Variants in ZNF347 observed in about 807,000 individuals in gnomAD.
The protein encoded by ZNF347 is CTD-2620I22.7.
A neutral mutation model predicts 12.9 loss-of-function variants in ZNF347; 19 were observed. The ratio of observed to expected loss-of-function variants is 1.47; its 90% confidence interval spans 1.03 to 2.16. The LOEUF (loss-of-function observed/expected upper bound fraction) is 2.16, where lower values mean the gene tolerates loss of function less well. Among genes scored for constraint, ZNF347 ranks in the 30% most tolerant of loss-of-function variants. The probability of loss-of-function intolerance (pLI) is 0.00; values close to 1 mark genes in which losing one functional copy is unlikely to be tolerated. For synonymous variants in ZNF347, 328 were observed against 340.6 expected (o/e 0.96, Z 0.41); for missense variants, 1,005 against 990.6 (o/e 1.01, Z -0.19).
chr19:53,141,727 A>G lies in ZNF347; in HGVS notation c.1101T>C (p.His367=), dbSNP rs1451063336. 2 of 1,613,664 alleles carry G rather than the reference A, an allele frequency of 1.2e-6. No individual in the cohort carries two copies. The highest frequency in any genetic ancestry group is 1.7e-5 in the Admixed American group (1 of 59,972). The change falls in exon 5 of 5, where the codon CAT becomes CAC. Residue 367 remains histidine (H), a synonymous_variant. Transcript: ENST00000334197. ...NSHLVRHRGI[H]TGEKPYKCNE... is the part of the protein sequence containing the mutation. ...TACACTTGTAAGGTTTCTCTCCAGT[A>G]TGAATTCCTCGATGTCTTACAAGGT...
At chr19:53,150,016 T>C (rs2090487747) in intron 2 of ZNF347, among the ~76,000 whole-genome samples, 1 of 152,164 alleles carries the variant, frequency 6.6e-6, no homozygotes, top group South Asian at 2.1e-4. Flanking sequence ...ATAAATAAAG[T>C]GTTTCCCTGA....
rs953833430 is a variant in ZNF347, at chr19:53,140,452, T to A, written c.2376A>T (p.Pro792=). 3 of 1,613,998 alleles carry A rather than the reference T, an allele frequency of 1.9e-6. No homozygotes were observed. The highest frequency in any genetic ancestry group is 2.5e-6 in the Non-Finnish European group (3 of 1,179,950). Residue 792 remains proline (P), a synonymous_variant, in exon 5 of 5, where the codon CCA becomes CCT. Transcript: ENST00000334197. ...RHQRIHTGEK[P]YECGKPFSIC... ...TACTAAAGGGTTTCCCACACTCATATGGTTTCTCTCCGGTATGAATTCTCT... is the reference window on the plus strand; with the variant it reads ...TACTAAAGGGTTTCCCACACTCATAAGGTTTCTCTCCGGTATGAATTCTCT...
At chr19:53,145,688 T>C (rs998502298) in intron 4 of ZNF347, among the ~76,000 whole-genome samples, 1 of 151,736 alleles carries the variant, frequency 6.6e-6, no homozygotes, top group Non-Finnish European at 1.5e-5. Context: ...CCACCATGCC[T>C]GGCTAAAAAT....
rs146644074 is a variant in ZNF347 at position 53,141,525 on chromosome 19, C to T, written c.1303G>A (p.Gly435Ser). The change falls in exon 5 of 5, where the codon GGC (glycine) becomes AGC (serine). Residue 435 changes from glycine (G) to serine (S), a missense_variant. Gly to Ser is a moderately conservative substitution (Grantham distance 56). Coordinates refer to ENST00000334197, the MANE Select transcript of ZNF347 (RefSeq NM_032584.3). The stretch of plus-strand genomic sequence containing the variant: ...CTTGAACGAACACCAAAGGCTTTGC[C>T]GCACTCATTACACTTGTAAGGTTTC... ...GEKPYKCNEC[G>S]KAFGVRSSLA... 6.6e-5 allele frequency: 106 copies of T among 1,613,946 alleles called. No individual in the cohort carries two copies. The highest frequency in any genetic ancestry group is 1.9e-4 in the African/African-American group (14 of 74,874).
Position 53,140,836 on chromosome 19 carries a change from C to A in ZNF347, c.1992G>T (p.Gln664His). Reference protein sequence around the residue: ...KCNECGKVFTQNSHLARHRRV... With the variant: ...KCNECGKVFTHNSHLARHRRV... ...TCCGATGTCTTGCAAGGTGTGAATT[C>A]TGAGTGAAGACCTTGCCACACTCAT... The change falls in exon 5 of 5, where the codon CAG (glutamine) becomes CAT (histidine). Residue 664 changes from glutamine to histidine, a missense_variant. By Grantham distance (24) the Gln-to-His change is conservative. Transcript: ENST00000334197. 6.2e-7 allele frequency: 1 copy of A among 1,613,670 alleles called. No individual in the cohort carries two copies. The highest frequency in any genetic ancestry group is 8.5e-7 in the Non-Finnish European group (1 of 1,179,838).
At position 53,141,491 on chromosome 19, in the gene ZNF347, A is replaced by G. The variant is rs2090426452; in HGVS notation, c.1337T>C (p.Ile446Thr). Residue 446 changes from isoleucine (I) to threonine (T), a missense_variant, in exon 5 of 5, where the codon ATT (isoleucine) becomes ACT (threonine). Coordinates refer to ENST00000334197, the MANE Select transcript of ZNF347 (RefSeq NM_032584.3). ...KAFGVRSSLA[I>T]HLVIHTGEKP... ...TTCTCCGGTGTGAATTACCAGATGA[A>G]TAGCTAGGCTTGAACGAACACCAAA... The G allele has an allele frequency of 6.2e-7, 1 of 1,612,832 alleles. No individual in the cohort carries two copies. Among genetic ancestry groups the G allele is most frequent in the Non-Finnish European group, 8.5e-7 (1 of 1,179,704 alleles).
chr19:53,149,564 T>C lies in ZNF347; in HGVS notation c.16-197A>G, dbSNP rs569147503. On this transcript the variant is annotated intron_variant, in intron 2 of 4. Transcript: ENST00000334197. ...GAATCTCTGGAGTGATAAGTGCCTT[T>C]GTAAGCTAATGAGATGACTGGTGGC... 1.9e-4 allele frequency: 194 copies of C among 1,044,858 alleles called. No individual in the cohort carries two copies. The South Asian group carries it at 3.0e-3, about 16-fold the overall frequency. 64.7% of individuals were successfully genotyped at this position (1,044,858 alleles called of 1,614,324 possible).
intron 2 of ZNF347, among the ~76,000 whole-genome samples, chr19:53,150,940 A>G (rs2090493350): frequency 6.6e-6 from 1 of 152,108 alleles, no homozygotes. Flanking sequence ...GGGTTTCACC[A>G]TGTTGACCAG....
At position 53,139,029 on chromosome 19, in the gene ZNF347, A is replaced by G. The variant is rs2090402749; in HGVS notation, c.*1279T>C. On this transcript the variant is annotated 3_prime_UTR_variant, in exon 5 of 5. Transcript: ENST00000334197. ...AGCCTATTTTTCATCAATCTCTGCTATAAAACAGCTATTGCCATTCAGTAG... is the reference window on the plus strand; with the variant it reads ...AGCCTATTTTTCATCAATCTCTGCTGTAAAACAGCTATTGCCATTCAGTAG... The G allele has an allele frequency of 6.6e-6, 1 of 152,192 alleles. No homozygotes were observed. Among genetic ancestry groups the G allele is most frequent in the African/African-American group, 2.4e-5 (1 of 41,468 alleles). The allele number at this position is 152,192 out of a possible 1,614,324, so 9.4% of individuals were successfully genotyped here.
In ZNF347 at chr19:53,140,274, A is replaced by C. The variant is rs1334948945; in HGVS notation, c.*34T>G. The C allele has an allele frequency of 2.6e-6, 4 of 1,512,420 alleles. No individual in the cohort carries two copies. Among genetic ancestry groups the C allele is most frequent in the Non-Finnish European group, 3.5e-6 (4 of 1,130,194 alleles). 93.7% of individuals were successfully genotyped at this position (1,512,420 alleles called of 1,614,324 possible). ...TCAAAGGAATGAATTCTAACTGCAA[A>C]AGTTACCACCTTCATTTGTAAGGTT... is the stretch of plus-strand genomic sequence containing the variant. On this transcript the variant is annotated 3_prime_UTR_variant, in exon 5 of 5. Coordinates refer to ENST00000334197, the MANE Select transcript of ZNF347 (RefSeq NM_032584.3).
In ZNF347 at chr19:53,135,099, T is replaced by C. The variant is rs2090377644; in HGVS notation, c.*5209A>G. On this transcript the variant is annotated 3_prime_UTR_variant, in exon 5 of 5. Coordinates refer to ENST00000334197, the MANE Select transcript of ZNF347 (RefSeq NM_032584.3). ...TACTGTAGCATCATCATTAAAAGCTTTGTCTTTGCAACCAGACAACATGGA... is the reference window on the plus strand; with the variant it reads ...TACTGTAGCATCATCATTAAAAGCTCTGTCTTTGCAACCAGACAACATGGA... The C allele has an allele frequency of 6.6e-6, 1 of 151,968 alleles. No individual in the cohort carries two copies. The highest frequency in any genetic ancestry group is 2.4e-5 in the African/African-American group (1 of 41,370). 9.4% of individuals were successfully genotyped at this position (151,968 alleles called of 1,614,324 possible).
intron 1 of ZNF347, among the ~76,000 whole-genome samples, chr19:53,156,062 T>G (rs1376158614): frequency 1.3e-3 from 54 of 40,416 alleles, no homozygotes; most frequent in Middle Eastern, 0.018. Flanking sequence ...GGGGGGGGGT[T>G]AGGCGGGGGT....
chr19:53,156,345 T>C (rs1426513480), intron 1 of ZNF347, among the ~76,000 whole-genome samples: 1 of 151,920 alleles, frequency 6.6e-6, no homozygotes, highest in Non-Finnish European at 1.5e-5. Context: ...AGAGGCTGCC[T>C]TGAGCCAAGA....
At chr19:53,150,784 G>C (rs1027871190) in intron 2 of ZNF347, among the ~76,000 whole-genome samples, 1 of 152,152 alleles carries the variant, frequency 6.6e-6, no homozygotes, top group Non-Finnish European at 1.5e-5. Context: ...CTATCACCCA[G>C]GCTGGAGTGC....
intron 1 of ZNF347, among the ~76,000 whole-genome samples, chr19:53,156,148 C>T (rs1294559851): frequency 6.6e-6 from 1 of 151,676 alleles, no homozygotes; most frequent in African/African-American, 2.4e-5. Context: ...CCTGTAGTCC[C>T]AGCACTTTGG....
chr19:53,144,452 A>G (rs2090450148), intron 4 of ZNF347, among the ~76,000 whole-genome samples: 1 of 152,190 alleles, frequency 6.6e-6, no homozygotes, highest in African/African-American at 2.4e-5. Flanking sequence ...AAATATGTAA[A>G]GCTAATGTTA....
intron 4 of ZNF347, among the ~76,000 whole-genome samples, chr19:53,143,268 G>A (rs1226116204): frequency 6.6e-6 from 1 of 151,760 alleles, no homozygotes; most frequent in African/African-American, 2.4e-5. Flanking sequence ...GGGTACATGT[G>A]CACAATGTGC....
Position 53,136,401 on chromosome 19 carries a change from G to A in ZNF347, c.*3907C>T, listed in dbSNP as rs956852386. On this transcript the variant is annotated 3_prime_UTR_variant, in exon 5 of 5. Coordinates refer to ENST00000334197, the MANE Select transcript of ZNF347 (RefSeq NM_032584.3). ...ACATATAATTTGGATTAAAATGTATGGAAGGAAAAAATCCTTAAAGTAAAA... is the reference window on the plus strand; with the variant it reads ...ACATATAATTTGGATTAAAATGTATAGAAGGAAAAAATCCTTAAAGTAAAA... 6.6e-6 allele frequency: 1 copy of A among 151,622 alleles called. No homozygotes were observed. Among genetic ancestry groups the A allele is most frequent in the Non-Finnish European group, 1.5e-5 (1 of 67,938 alleles). 9.4% of individuals were successfully genotyped at this position (151,622 alleles called of 1,614,324 possible). A position where few individuals can be genotyped will look rare whatever the true frequency, so the allele number is the denominator to read the frequency against.
chr19:53,157,438 T>C (rs1026936363), intron 1 of ZNF347, among the ~76,000 whole-genome samples: 4 of 152,100 alleles, frequency 2.6e-5, no homozygotes, highest in Admixed American at 6.6e-5. Context: ...TCTGTGTTTT[T>C]CCCCTGGTTC....
Sources: allele counts gnomAD v4.1 joint callset (sites outside exome capture counted in the v4.1 genomes callset), GRCh38; gene constraint gnomAD v4.1.1; transcripts MANE v1.5; gene names NCBI Gene and HGNC (gene_info 2026-07-23, HGNC 2026-07-21).